Variants in RGMA observed in about 807,000 individuals in gnomAD.
RGMA encodes the protein repulsive guidance molecule A.
Under a neutral mutation model 23.2 loss-of-function variants are expected in RGMA, and 10 were observed. The observed-to-expected ratio is 0.43, with a 90% CI of 0.27 to 0.73. RGMA has a LOEUF of 0.73. RGMA is among the 30% of genes least tolerant of loss of function. RGMA has a pLI of 0.20. For missense variants in RGMA, 547 were observed against 630.5 expected (o/e 0.87, Z 1.42); for synonymous variants, 308 against 279.3 (o/e 1.10, Z -1.03).
chr15:93,086,845 CA>C (rs1397875235), intron 1 of RGMA, among the ~76,000 whole-genome samples: 1 of 152,174 alleles, frequency 6.6e-6, no homozygotes, highest in Non-Finnish European at 1.5e-5. Context: ...TGGGAAGCAG[CA>C]AGTTATTCCT....
At position 93,041,225 on chromosome 15, in the gene RGMA, T is replaced by C. The variant is rs1257779176; in HGVS notation, c.*3773A>G. The C allele has an allele frequency of 6.6e-6, 1 of 152,000 alleles. No homozygotes were observed. The highest frequency in any genetic ancestry group is 6.6e-5 in the Admixed American group (1 of 15,242). The allele number at this position is 152,000 out of a possible 1,614,324, so 9.4% of individuals were successfully genotyped here. On this transcript the variant is annotated 3_prime_UTR_variant, in exon 4 of 4. Transcript: ENST00000329082. ...TCCTGTCCTATAGCCTTGCACATTC[T>C]GGTTAGCTAAACAAGAACTCCAGTT...
rs973548530 is a variant in RGMA at position 93,041,996 on chromosome 15, C to T, written c.*3002G>A. The T allele has an allele frequency of 2.0e-5, 3 of 152,288 alleles. No homozygotes were observed. The highest frequency in any genetic ancestry group is 7.2e-5 in the African/African-American group (3 of 41,450). The allele number at this position is 152,288 out of a possible 1,614,324, so 9.4% of individuals were successfully genotyped here. On this transcript the variant is annotated 3_prime_UTR_variant, in exon 4 of 4. Transcript: ENST00000329082. ...TGGTCAACATGGTGAAACACCATCT[C>T]TACTAAAATACAAAAAATTAGCCAG... is the stretch of plus-strand genomic sequence containing the variant.
chr15:93,066,802 C>T (rs1040843347), intron 2 of RGMA, among the ~76,000 whole-genome samples: 1 of 152,220 alleles, frequency 6.6e-6, no homozygotes, highest in Non-Finnish European at 1.5e-5. Flanking sequence ...TGTGAGCCAC[C>T]GAGCCTGGCA....
chr15:93,087,288 C>T (rs1271992682), intron 1 of RGMA, among the ~76,000 whole-genome samples: 1 of 152,064 alleles, frequency 6.6e-6, no homozygotes, highest in Admixed American at 6.5e-5. Context: ...CAAAAACCAG[C>T]CACAGAGAAC....
intron 2 of RGMA, chr15:93,066,406 G>A (rs1433119075): frequency 2.9e-6 from 2 of 681,884 alleles, no homozygotes; most frequent in African/African-American, 3.5e-5. Context: ...GAAACGGGGG[G>A]CGGGGGTTTC....
At chr15:93,066,286 C>G (rs746194238) in intron 2 of RGMA, 4 of 1,014,976 alleles carry the variant, frequency 3.9e-6, no homozygotes, top group Non-Finnish European at 6.3e-6. Context: ...TCTTCCTTGG[C>G]GTCATTCCTG....
Position 93,039,424 on chromosome 15 carries a change from G to T in RGMA, c.*5574C>A, listed in dbSNP as rs983012599. Reference sequence around the variant, plus strand: ...AATTATGATTATACTTTCAGTTATGGGGTACACGTGCAGAACGCACAAGTT... The same window carrying T: ...AATTATGATTATACTTTCAGTTATGTGGTACACGTGCAGAACGCACAAGTT... On this transcript the variant is annotated 3_prime_UTR_variant, in exon 4 of 4. Coordinates refer to ENST00000329082, the MANE Select transcript of RGMA (RefSeq NM_020211.3). The T allele has an allele frequency of 1.3e-5, 2 of 152,132 alleles. No homozygotes were observed. The highest frequency in any genetic ancestry group is 4.8e-5 in the African/African-American group (2 of 41,414). 9.4% of individuals were successfully genotyped at this position (152,132 alleles called of 1,614,324 possible).
At chr15:93,078,016 G>A (rs1054768163) in intron 1 of RGMA, among the ~76,000 whole-genome samples, 2 of 152,154 alleles carry the variant, frequency 1.3e-5, no homozygotes, top group Non-Finnish European at 2.9e-5. Flanking sequence ...CTGACATCTT[G>A]TTTTTACTTA....
intron 1 of RGMA, among the ~76,000 whole-genome samples, chr15:93,083,723 G>A (rs1051794590): frequency 2.0e-5 from 3 of 152,184 alleles, no homozygotes; most frequent in African/African-American, 7.2e-5. Context: ...TAAACTCACA[G>A]GAGCCTCATG....
rs752421802 is a variant in RGMA at position 93,045,080 on chromosome 15, G to A, written c.1271C>T (p.Ala424Val). 1.1e-5 allele frequency: 17 copies of A among 1,573,810 alleles called. No homozygotes were observed. The East Asian group carries it at 1.9e-4, about 17-fold the overall frequency. Residue 424 changes from alanine (A) to valine (V), a missense_variant, in exon 4 of 4, where the codon GCG (alanine) becomes GTG (valine). Coordinates refer to ENST00000329082, the MANE Select transcript of RGMA (RefSeq NM_020211.3). This position sits in a 1 kb window ranked among gnomAD's most constrained non-coding sequence, Gnocchi z 6.9. ...GGGGGCCAGGGGCAGCCCCGCAGCC[G>A]CCCTGCCTGGCAGGTCCCGAGTCCT... ...YERTRDLPGRAAAGLPLAPRP... is the reference protein window; with the variant it reads ...YERTRDLPGRVAAGLPLAPRP...
rs2054730563 is a variant in RGMA, at chr15:93,042,035, T to G, written c.*2963A>C. ...AAAATTAGCCAGGCGTGGTGGTGTG[T>G]GCCTGTAGTCCCAGCTACTTGGGAG... is the stretch of plus-strand genomic sequence containing the variant. On this transcript the variant is annotated 3_prime_UTR_variant, in exon 4 of 4. Transcript: ENST00000329082. 1 of 152,404 alleles carries G rather than the reference T, an allele frequency of 6.6e-6. No individual in the cohort carries two copies. Among genetic ancestry groups the G allele is most frequent in the Admixed American group, 6.5e-5 (1 of 15,284 alleles). The allele number at this position is 152,404 out of a possible 1,614,324, so 9.4% of individuals were successfully genotyped here. A position where few individuals can be genotyped will look rare whatever the true frequency, so the allele number is the denominator to read the frequency against.
chr15:93,073,124 G>A (rs1306670240), intron 1 of RGMA, 93 bp from the exon 2 acceptor site: 5 of 1,332,618 alleles, frequency 3.8e-6, no homozygotes, highest in Admixed American at 7.0e-5. Flanking sequence ...GAGCCGGGAG[G>A]CTCCGTCCAC....
chr15:93,076,828 G>A (rs1466633354), intron 1 of RGMA, among the ~76,000 whole-genome samples: 1 of 152,206 alleles, frequency 6.6e-6, no homozygotes, highest in Non-Finnish European at 1.5e-5. Flanking sequence ...TACTGTGTGT[G>A]CCATTCATTC....
chr15:93,085,829 C>T (rs1344597422), intron 1 of RGMA, among the ~76,000 whole-genome samples: 1 of 152,212 alleles, frequency 6.6e-6, no homozygotes, highest in Admixed American at 6.5e-5. Flanking sequence ...CTTCTACTCA[C>T]AGGACGGACC....
At position 93,043,057 on chromosome 15, in the gene RGMA, A is replaced by AAGAC. The variant is rs1188143154; in HGVS notation, c.*1937_*1940dup. 2 of 152,290 alleles carry AAGAC rather than the reference A, an allele frequency of 1.3e-5. No homozygotes were observed. Among genetic ancestry groups the AAGAC allele is most frequent in the Admixed American group, 6.5e-5 (1 of 15,292 alleles). 9.4% of individuals were successfully genotyped at this position (152,290 alleles called of 1,614,324 possible). A position where few individuals can be genotyped will look rare whatever the true frequency, so the allele number is the denominator to read the frequency against. On this transcript the variant is annotated 3_prime_UTR_variant, in exon 4 of 4. Coordinates refer to ENST00000329082, the MANE Select transcript of RGMA (RefSeq NM_020211.3). ...GAGGATCTGGGCCTGCCAAGCTCCA[A>AAGAC]AGACAGCTCATCGTGAGGAGGAAAA...
intron 2 of RGMA, chr15:93,065,895 A>G: frequency 4.2e-6 from 3 of 718,216 alleles, no homozygotes; most frequent in Non-Finnish European, 7.5e-6. Context: ...TGCTCTCTGT[A>G]GGCTGTTGCT....
chr15:93,056,877 A>C (rs1490417735), intron 2 of RGMA, among the ~76,000 whole-genome samples: 1 of 152,188 alleles, frequency 6.6e-6, no homozygotes, highest in Non-Finnish European at 1.5e-5. Context: ...AGGGGCATCC[A>C]ACAAACAGGG....
chr15:93,066,611 G>A, intron 2 of RGMA: 1 of 451,732 alleles, frequency 2.2e-6, no homozygotes, highest in South Asian at 1.6e-5. Flanking sequence ...TCGTCGCCGT[G>A]GGGACTGCCG....
intron 2 of RGMA, among the ~76,000 whole-genome samples, chr15:93,055,179 T>C (rs1426759318): frequency 1.3e-5 from 2 of 152,090 alleles, no homozygotes; most frequent in Non-Finnish European, 2.9e-5. Flanking sequence ...AACACTGGTC[T>C]CCTGTTAATG....
Sources: gnomAD v4.1 joint callset for allele counts (sites outside exome capture counted in the v4.1 genomes callset) on GRCh38, gnomAD v4.1.1 for gene constraint, Gnocchi (gnomAD v3.1) non-coding constraint, MANE v1.5 for transcripts, NCBI Gene and HGNC (gene_info 2026-07-23, HGNC 2026-07-21) for gene names.